PRKAB2: variants seen among roughly 807,000 people sequenced by gnomAD.
PRKAB2 encodes the protein 5'-AMP-activated protein kinase subunit beta-2.
Under a neutral mutation model 29.8 loss-of-function variants are expected in PRKAB2, and 18 were observed. That is an observed-to-expected ratio of 0.60 (90% CI 0.42 to 0.89). The LOEUF (loss-of-function observed/expected upper bound fraction) is 0.89. Ranked by LOEUF, PRKAB2 falls within the 40% of genes least tolerant of loss-of-function variation. The pLI is 0.00. For missense variants in PRKAB2, 270 were observed against 344.3 expected (o/e 0.78, Z 1.71); for synonymous variants, 136 against 125.9 (o/e 1.08, Z -0.54).
chr1:147,166,230 G>A (rs1654242788), intron 5 of PRKAB2, among the ~76,000 whole-genome samples: 2 of 152,132 alleles, frequency 1.3e-5, no homozygotes, highest in South Asian at 4.1e-4. Flanking sequence ...GCCCATTAGT[G>A]ATTATAAAAG....
chr1:147,164,833 A>G (rs1654157526), intron 5 of PRKAB2, among the ~76,000 whole-genome samples: 1 of 152,244 alleles, frequency 6.6e-6, no homozygotes, highest in Non-Finnish European at 1.5e-5. Flanking sequence ...TTCTCTCTAT[A>G]TAATTATGAT....
At chr1:147,160,599 T>G (rs1553912956) in intron 7 of PRKAB2, among the ~76,000 whole-genome samples, 1 of 152,086 alleles carries the variant, frequency 6.6e-6, no homozygotes, top group Non-Finnish European at 1.5e-5. Flanking sequence ...CACTCCAGAG[T>G]CATGCTGACA....
At position 147,158,073 on chromosome 1, in the gene PRKAB2, A is replaced by G. The variant is rs1323032131; in HGVS notation, c.*1492T>C. 2 of 152,088 alleles carry G rather than the reference A, an allele frequency of 1.3e-5. No individual in the cohort carries two copies. The highest frequency in any genetic ancestry group is 2.9e-5 in the Non-Finnish European group (2 of 67,986). 9.4% of individuals were successfully genotyped at this position (152,088 alleles called of 1,614,324 possible). A position where few individuals can be genotyped will look rare whatever the true frequency, so the allele number is the denominator to read the frequency against. ...GTCAGGGAGTCTCTCATTCATCAAC[A>G]GTTTAGCCTCCTTTAGTGTTGATTA... On this transcript the variant is annotated 3_prime_UTR_variant, in exon 8 of 8. Transcript: ENST00000254101.
Position 147,166,568 on chromosome 1 carries a change from C to A in PRKAB2, c.468G>T (p.Lys156Asn). Residue 156 changes from lysine (K) to asparagine (N), a missense_variant, in exon 5 of 8, where the codon AAG (lysine) becomes AAT (asparagine). Physicochemically the swap from Lys to Asn is moderately conservative, Grantham distance 94 (BLOSUM62 0). This residue lies in a region of PRKAB2 where 228 missense variants were observed against 255.5 expected (regional missense o/e 0.89). Coordinates refer to ENST00000254101, the MANE Select transcript of PRKAB2 (RefSeq NM_005399.5). ...LGTINNLIHV[K>N]KSDFEVFDAL... Reference sequence around the variant, plus strand: ...CATCGAACACCTCAAAATCAGATTTCTTGACATGGATCAAATTGTTAATTG... The same window carrying A: ...CATCGAACACCTCAAAATCAGATTTATTGACATGGATCAAATTGTTAATTG... The A allele has an allele frequency of 6.2e-7, 1 of 1,614,120 alleles. No individual in the cohort carries two copies. Among genetic ancestry groups the A allele is most frequent in the Admixed American group, 1.7e-5 (1 of 60,020 alleles).
intron 2 of PRKAB2, among the ~76,000 whole-genome samples, chr1:147,170,407 G>C (rs1276806441): frequency 2.0e-5 from 3 of 152,118 alleles, no homozygotes; most frequent in African/African-American, 7.2e-5. Context: ...TAAATCCTGA[G>C]TCATCAACAT....
Position 147,162,109 on chromosome 1 carries a change from G to C in PRKAB2, c.673-329C>G, listed in dbSNP as rs149857706. Among the ~76,000 whole-genome samples the C allele has an allele frequency of 2.3e-3, 351 of 152,282 alleles. 1 individual carries two copies. Among genetic ancestry groups the C allele is most frequent in the Non-Finnish European group, 4.1e-3 (276 of 68,034 alleles). ...AATCATAGTAGGAATCAAGTAGATT[G>C]AATAGAGACATGAATTATATACAAA... On this transcript the variant is annotated intron_variant, in intron 6 of 7. Coordinates refer to ENST00000254101, the MANE Select transcript of PRKAB2 (RefSeq NM_005399.5).
intron 5 of PRKAB2, among the ~76,000 whole-genome samples, chr1:147,164,771 C>T (rs1654154605): frequency 6.6e-6 from 1 of 152,202 alleles, no homozygotes; most frequent in Admixed American, 6.5e-5. Context: ...TAAGCGTTAC[C>T]TCAATAGATT....
At chr1:147,169,026 A>G (rs1311008225) in intron 2 of PRKAB2, among the ~76,000 whole-genome samples, 2 of 152,230 alleles carry the variant, frequency 1.3e-5, no homozygotes, top group Non-Finnish European at 2.9e-5. Context: ...TTGCGTAGCT[A>G]TAACAGAGAC....
rs1466227741 is a variant in PRKAB2, at chr1:147,157,661, T to A, written c.*1904A>T. On this transcript the variant is annotated 3_prime_UTR_variant, in exon 8 of 8. Coordinates refer to ENST00000254101, the MANE Select transcript of PRKAB2 (RefSeq NM_005399.5). ...CTTCCTAAGTGGCCCACTTATTTAA[T>A]GAGTATTGGATAAAAACAAAATTCT... 1 of 152,144 alleles carries A rather than the reference T, an allele frequency of 6.6e-6. No homozygotes were observed. The highest frequency in any genetic ancestry group is 1.5e-5 in the Non-Finnish European group (1 of 68,010). The allele number at this position is 152,144 out of a possible 1,614,324, so 9.4% of individuals were successfully genotyped here.
chr1:147,172,256 G>A (rs1654688884), intron 1 of PRKAB2, 89 bp from the exon 2 acceptor site: 5 of 1,368,796 alleles, frequency 3.7e-6, no homozygotes, highest in Non-Finnish European at 4.8e-6. Flanking sequence ...TCGGGACAGG[G>A]CAAGGGATTC....
rs1653649394 is a variant in PRKAB2 at position 147,155,895 on chromosome 1, T to G, written c.*3670A>C. 6.6e-6 allele frequency: 1 copy of G among 152,380 alleles called. No homozygotes were observed. The highest frequency in any genetic ancestry group is 1.5e-5 in the Non-Finnish European group (1 of 68,020). The allele number at this position is 152,380 out of a possible 1,614,324, so 9.4% of individuals were successfully genotyped here. A position where few individuals can be genotyped will look rare whatever the true frequency, so the allele number is the denominator to read the frequency against. On this transcript the variant is annotated 3_prime_UTR_variant, in exon 8 of 8. Transcript: ENST00000254101. ...GTTTTTCTCTTTTTTCCCTTCTTTCTTATAATTTAAATTTGGCTTTTTACT... is the reference window on the plus strand; with the variant it reads ...GTTTTTCTCTTTTTTCCCTTCTTTCGTATAATTTAAATTTGGCTTTTTACT...
chr1:147,159,777 T>G (rs587769975), intron 7 of PRKAB2, 135 bp from the exon 8 acceptor site: 1 of 741,386 alleles, frequency 1.3e-6, no homozygotes, highest in South Asian at 1.7e-5. Context: ...CAAATAAGTT[T>G]TAGTTCCAAT....
chr1:147,156,609 T>C lies in PRKAB2; in HGVS notation c.*2956A>G, dbSNP rs1553912470. The C allele has an allele frequency of 6.6e-6, 1 of 152,100 alleles. No homozygotes were observed. Among genetic ancestry groups the C allele is most frequent in the African/African-American group, 2.4e-5 (1 of 41,438 alleles). 9.4% of individuals were successfully genotyped at this position (152,100 alleles called of 1,614,324 possible). A position where few individuals can be genotyped will look rare whatever the true frequency, so the allele number is the denominator to read the frequency against. On this transcript the variant is annotated 3_prime_UTR_variant, in exon 8 of 8. Coordinates refer to ENST00000254101, the MANE Select transcript of PRKAB2 (RefSeq NM_005399.5). ...AGGTTAGGTATGCCCTTCAGGGGTG[T>C]TGCCTAGAATGGTTAAATCCCATTC...
rs1158596181 is a variant in PRKAB2, at chr1:147,159,638, C to T, written c.746G>A (p.Ser249Asn). The change falls in exon 8 of 8, where the codon AGT becomes AAT. Residue 249 changes from serine (S) to asparagine (N), a missense_variant. By Grantham distance (46) the Ser-to-Asn change is conservative. This residue lies in a region of PRKAB2 where 42 missense variants were observed against 88.8 expected (regional missense o/e 0.47). Transcript: ENST00000254101. ...ATGGGTTGCGCTAAGGACCATCACA[C>T]TGTCCTGCAAGGAAAAGAAACATAC... ...NHLYALSIKD[S>N]VMVLSATHRY... 1 of 1,613,224 alleles carries T rather than the reference C, an allele frequency of 6.2e-7. No individual in the cohort carries two copies. Among genetic ancestry groups the T allele is most frequent in the Admixed American group, 1.7e-5 (1 of 59,876 alleles).
chr1:147,161,781 C>T lies in PRKAB2; in HGVS notation c.673-1G>A, dbSNP rs1653975934. ...GCTCAGGGAGTAAGGCTGGGTCACA[C>T]TAAGAGAAAGAGAAAAAAATTACTA... On this transcript the variant is annotated splice_acceptor_variant, in intron 6 of 7. Transcript: ENST00000254101. LOFTEE classifies it high-confidence loss of function. The T allele has an allele frequency of 6.2e-7, 1 of 1,601,108 alleles. No individual in the cohort carries two copies. The highest frequency in any genetic ancestry group is 1.4e-5 in the African/African-American group (1 of 74,048).
In PRKAB2 at chr1:147,156,248, T is replaced by C. The variant is rs1331188737; in HGVS notation, c.*3317A>G. On this transcript the variant is annotated 3_prime_UTR_variant, in exon 8 of 8. Coordinates refer to ENST00000254101, the MANE Select transcript of PRKAB2 (RefSeq NM_005399.5). The stretch of plus-strand genomic sequence containing the variant: ...ACACACAGAGACTATTGCATATCAT[T>C]TTTAGTTGAGGTCAAAATTATTAAA... The C allele has an allele frequency of 6.6e-6, 1 of 152,622 alleles. No homozygotes were observed. The highest frequency in any genetic ancestry group is 1.5e-5 in the Non-Finnish European group (1 of 68,038). The allele number at this position is 152,622 out of a possible 1,614,324, so 9.5% of individuals were successfully genotyped here. A position where few individuals can be genotyped will look rare whatever the true frequency, so the allele number is the denominator to read the frequency against.
chr1:147,158,369 A>C lies in PRKAB2; in HGVS notation c.*1196T>G, dbSNP rs1653777090. On this transcript the variant is annotated 3_prime_UTR_variant, in exon 8 of 8. Transcript: ENST00000254101. Reference sequence around the variant, plus strand: ...AATCTTTAAAATGAGGAACCCCTTTAGGTGCATCAAATGAGTTAAATGAAC... The same window carrying C: ...AATCTTTAAAATGAGGAACCCCTTTCGGTGCATCAAATGAGTTAAATGAAC... 1 of 152,202 alleles carries C rather than the reference A, an allele frequency of 6.6e-6. No homozygotes were observed. The highest frequency in any genetic ancestry group is 1.5e-5 in the Non-Finnish European group (1 of 68,038). 9.4% of individuals were successfully genotyped at this position (152,202 alleles called of 1,614,324 possible).
At chr1:147,165,737 T>C (rs890790240) in intron 5 of PRKAB2, among the ~76,000 whole-genome samples, 1 of 152,204 alleles carries the variant, frequency 6.6e-6, no homozygotes, top group Non-Finnish European at 1.5e-5. Context: ...GACTTTTTTT[T>C]TTTTAACCAA....
At chr1:147,161,540 A>AT in intron 7 of PRKAB2, 172 bp downstream of exon 7, 1 of 565,152 alleles carries the variant, frequency 1.8e-6, no homozygotes, top group Non-Finnish European at 3.0e-6. Context: ...AGAGACTGAG[A>AT]TTTTAAAACA....
Sources: allele counts gnomAD v4.1 joint callset (sites outside exome capture counted in the v4.1 genomes callset), GRCh38; gene constraint gnomAD v4.1.1; regional missense constraint gnomAD v4.1.1; transcripts MANE v1.5; gene names NCBI Gene and HGNC (gene_info 2026-07-23, HGNC 2026-07-21).